The following CSRNP2 variants were observed in gnomAD, a reference collection of about 807,000 sequenced individuals.
The protein encoded by CSRNP2 is cysteine and serine rich nuclear protein 2, also known as cysteine/serine-rich nuclear protein 2.
In CSRNP2, 11 loss-of-function variants were observed where a neutral mutation model predicts 36.6. The observed-to-expected ratio is 0.30, with a 90% CI of 0.19 to 0.50. The LOEUF (loss-of-function observed/expected upper bound fraction) is 0.50, where lower values mean the gene tolerates loss of function less well. Ranked by LOEUF, CSRNP2 falls within the 20% of genes least tolerant of loss-of-function variation. The pLI, the probability that CSRNP2 is intolerant of heterozygous loss-of-function variation, is 0.98. For missense variants in CSRNP2, 483 were observed against 691.4 expected (o/e 0.70, Z 3.38); for synonymous variants, 248 against 275.3 (o/e 0.90, Z 0.98).
intron 3 of CSRNP2, among the ~76,000 whole-genome samples, chr12:51,071,594 A>G (rs117380580): frequency 0.017 from 2,655 of 152,248 alleles, 39 homozygotes; most frequent in Middle Eastern, 0.038. Flanking sequence ...ATGAGACCCC[A>G]TCTTTAAAAA....
At chr12:51,078,756 AC>A (rs531896548) in intron 1 of CSRNP2, among the ~76,000 whole-genome samples, 2,454 of 152,306 alleles carry the variant, frequency 0.016, 66 homozygotes, top group African/African-American at 0.056. Flanking sequence ...AAATAGGAAC[AC>A]TTTTACACTG....
At chr12:51,066,282 G>A (rs371860417) in intron 4 of CSRNP2, among the ~76,000 whole-genome samples, 4 of 151,896 alleles carry the variant, frequency 2.6e-5, no homozygotes, top group East Asian at 1.9e-4. Context: ...GTGAAACGCC[G>A]TCTCTACTAA....
At chr12:51,071,259 CAA>C (rs34960606) in intron 3 of CSRNP2, among the ~76,000 whole-genome samples, 23 of 118,554 alleles carry the variant, frequency 1.9e-4, no homozygotes, top group Non-Finnish European at 2.2e-4. Context: ...GACCCTGCAT[CAA>C]AAAAAAAAAA....
In CSRNP2 at chr12:51,067,064, C is replaced by T. The variant is rs1278463088; in HGVS notation, c.708+609G>A. Among the ~76,000 whole-genome samples, 1 of 152,102 alleles carries T rather than the reference C, an allele frequency of 6.6e-6. No individual in the cohort carries two copies. On this transcript the variant is annotated intron_variant, in intron 4 of 4. Coordinates refer to ENST00000228515, the MANE Select transcript of CSRNP2 (RefSeq NM_030809.3). The surrounding 1 kb of genome is among the most constrained non-coding windows in gnomAD (Gnocchi z 4.1). ...AGGCTGGTCTCGAACTCCTGGGAAG[C>T]AATCTGCCTGCCTGCCTCGGCCTCC...
chr12:51,065,104 T>C (rs1003899261), intron 4 of CSRNP2, among the ~76,000 whole-genome samples: 2 of 152,226 alleles, frequency 1.3e-5, no homozygotes, highest in African/African-American at 4.8e-5. Context: ...ACCAAGCCTA[T>C]GGCCTGCAAT....
Position 51,064,363 on chromosome 12 carries a change from C to T in CSRNP2, c.1015G>A (p.Glu339Lys), listed in dbSNP as rs1337953493. The T allele has an allele frequency of 1.2e-6, 2 of 1,614,228 alleles. No homozygotes were observed. The highest frequency in any genetic ancestry group is 2.2e-5 in the South Asian group (2 of 91,088). The change falls in exon 5 of 5, where the codon GAA (glutamate) becomes AAA (lysine). Residue 339 changes from glutamate (E) to lysine (K), a missense_variant. Physicochemically the swap from Glu to Lys is moderately conservative, Grantham distance 56 (BLOSUM62 1). Coordinates refer to ENST00000228515, the MANE Select transcript of CSRNP2 (RefSeq NM_030809.3). Reference sequence around the variant, plus strand: ...GCACTAGAGCCGCTGGAATCTTCTTCTGCCTTGAGCCGCTCCAGTTCCTCT... The same window carrying T: ...GCACTAGAGCCGCTGGAATCTTCTTTTGCCTTGAGCCGCTCCAGTTCCTCT... The part of the protein sequence containing the change: ...SAEELERLKA[E>K]EDSSGSSASL...
In CSRNP2 at chr12:51,064,134, C is replaced by T. The variant is rs778310222; in HGVS notation, c.1244G>A (p.Gly415Glu). The T allele has an allele frequency of 8.7e-6, 14 of 1,614,186 alleles. No individual in the cohort carries two copies. The South Asian group carries it at 1.5e-4, about 18-fold the overall frequency. The change falls in exon 5 of 5, where the codon GGG becomes GAG. Residue 415 changes from glycine (G) to glutamate (E), a missense_variant. Physicochemically the swap from Gly to Glu is moderately conservative, Grantham distance 98. This residue lies in a region of CSRNP2 where 277 missense variants were observed against 323.6 expected (regional missense o/e 0.86). Coordinates refer to ENST00000228515, the MANE Select transcript of CSRNP2 (RefSeq NM_030809.3). The stretch of plus-strand genomic sequence containing the variant: ...CTCCACTTGATAATAGACCAGGGGC[C>T]CACTGTTCAAGTAGGATGGGCTGTT... Reference protein sequence around the residue: ...TVNSPSYLNSGPLVYYQVEQR... With the variant: ...TVNSPSYLNSEPLVYYQVEQR...
At chr12:51,070,298 G>A (rs1165560665) in intron 3 of CSRNP2, among the ~76,000 whole-genome samples, 4 of 152,176 alleles carry the variant, frequency 2.6e-5, no homozygotes, top group Admixed American at 6.5e-5. Flanking sequence ...GTTTGTGGGG[G>A]AGGTGGTAGA....
intron 1 of CSRNP2, among the ~76,000 whole-genome samples, chr12:51,077,205 G>C (rs934976329): frequency 6.6e-6 from 1 of 152,110 alleles, no homozygotes; most frequent in Non-Finnish European, 1.5e-5. Context: ...TCAGCCTCCA[G>C]AGTAGCTGGG....
chr12:51,076,810 C>T (rs906491207), intron 1 of CSRNP2, 163 bp from the exon 2 acceptor site: 2 of 458,786 alleles, frequency 4.4e-6, no homozygotes, highest in South Asian at 3.0e-5. Flanking sequence ...CTCCTACTTT[C>T]GTTTCCCTTC....
chr12:51,067,853 C>T lies in CSRNP2; in HGVS notation c.528G>A (p.Gln176=), dbSNP rs757686087. 15 of 1,614,096 alleles carry T rather than the reference C, an allele frequency of 9.3e-6. No homozygotes were observed. The highest frequency in any genetic ancestry group is 1.3e-5 in the Non-Finnish European group (15 of 1,180,050). The change falls in exon 4 of 5, where the codon CAG becomes CAA. Residue 176 remains glutamine (Q), a synonymous_variant. Transcript: ENST00000228515. This position sits in a 1 kb window ranked among gnomAD's most constrained non-coding sequence, Gnocchi z 4.1. The part of the protein sequence containing the change: ...NVEVDDYFFL[Q]PLPTKRRRAL... The stretch of plus-strand genomic sequence containing the variant: ...CCCGTCGCCGTTTGGTGGGCAGAGG[C>T]TGCAGGAAGAAGTAATCATCCACCT...
intron 2 of CSRNP2, among the ~76,000 whole-genome samples, chr12:51,074,531 T>C (rs1050060311): frequency 1.3e-5 from 2 of 152,146 alleles, no homozygotes; most frequent in African/African-American, 2.4e-5. Flanking sequence ...GAGAACTGTC[T>C]AATATCTTCA....
At chr12:51,065,763 G>C (rs543803923) in intron 4 of CSRNP2, among the ~76,000 whole-genome samples, 3 of 152,260 alleles carry the variant, frequency 2.0e-5, no homozygotes, top group African/African-American at 7.2e-5. Context: ...AGGCCCAGCT[G>C]CATCAATTCT....
chr12:51,075,479 A>G (rs1346605045), intron 2 of CSRNP2, among the ~76,000 whole-genome samples: 2 of 152,224 alleles, frequency 1.3e-5, no homozygotes, highest in African/African-American at 4.8e-5. Flanking sequence ...ATGCAGATAC[A>G]GAACATTTCT....
chr12:51,066,001 G>A (rs184850459), intron 4 of CSRNP2, among the ~76,000 whole-genome samples: 2 of 152,322 alleles, frequency 1.3e-5, no homozygotes, highest in East Asian at 1.9e-4. Context: ...CAACTGAAAT[G>A]TGTCTTAAAC....
chr12:51,074,480 G>C (rs188970250), intron 2 of CSRNP2, among the ~76,000 whole-genome samples: 2 of 152,102 alleles, frequency 1.3e-5, no homozygotes, highest in Non-Finnish European at 2.9e-5. Flanking sequence ...CATCCATCTA[G>C]GCTCTCAACT....
At chr12:51,076,739 C>G in intron 1 of CSRNP2, 92 bp from the exon 2 acceptor site, 2 of 620,426 alleles carry the variant, frequency 3.2e-6, no homozygotes, top group Non-Finnish European at 2.8e-6. Context: ...AGCACCTCAC[C>G]TAGCACTGAT....
chr12:51,072,633 G>C (rs62726660), intron 3 of CSRNP2, among the ~76,000 whole-genome samples: 65 of 14,476 alleles, frequency 4.5e-3, no homozygotes, highest in African/African-American at 8.1e-3. Flanking sequence ...TCTTTTCCCA[G>C]CCTCTCTCTC....
intron 1 of CSRNP2, among the ~76,000 whole-genome samples, chr12:51,078,778 T>G (rs895095405): frequency 6.6e-6 from 1 of 152,220 alleles, no homozygotes; most frequent in Admixed American, 6.5e-5. Context: ...TTGGTGGGAC[T>G]GAAAACTAGT....
Sources: gnomAD v4.1 joint callset for allele counts (sites outside exome capture counted in the v4.1 genomes callset) on GRCh38, gnomAD v4.1.1 for gene constraint, gnomAD v4.1.1 regional missense constraint, Gnocchi (gnomAD v3.1) non-coding constraint, MANE v1.5 for transcripts, NCBI Gene and HGNC (gene_info 2026-07-23, HGNC 2026-07-21) for gene names.